NRXN1: variants seen among roughly 807,000 people sequenced by gnomAD.
NRXN1 encodes neurexin-1.
Under a neutral mutation model 150.9 loss-of-function variants are expected in NRXN1, and 39 were observed. The observed-to-expected ratio is 0.26, with a 90% CI of 0.20 to 0.34. The LOEUF (loss-of-function observed/expected upper bound fraction) is 0.34, where lower values mean the gene tolerates loss of function less well. NRXN1 is among the 10% of genes least tolerant of loss of function. NRXN1 has a pLI of 1.00. For synonymous variants in NRXN1, 924 were observed against 757.0 expected (o/e 1.22, Z -3.62); for missense variants, 1,815 against 1,949.9 (o/e 0.93, Z 1.30).
chr2:51,029,759 A>G (rs1671184595), intron 1 of NRXN1, among the ~76,000 whole-genome samples: 1 of 152,220 alleles, frequency 6.6e-6, no homozygotes, highest in Admixed American at 6.5e-5. Flanking sequence ...TCTCCTTTAT[A>G]TTAATGAATA....
At chr2:50,984,134 AT>A (rs70958636) in intron 2 of NRXN1, among the ~76,000 whole-genome samples, 2,160 of 72,692 alleles carry the variant, frequency 0.03, 39 homozygotes, top group East Asian at 0.1. Flanking sequence ...CGCCAGGCTA[AT>A]TTTTTTTTTT....
intron 17 of NRXN1, among the ~76,000 whole-genome samples, chr2:50,357,291 T>C (rs1435322518): frequency 6.7e-6 from 1 of 149,838 alleles, no homozygotes; most frequent in Non-Finnish European, 1.5e-5. Flanking sequence ...AATACATTTA[T>C]TTATTTATTT....
At chr2:50,804,249 G>A (rs1048440091) in intron 5 of NRXN1, among the ~76,000 whole-genome samples, 1 of 152,030 alleles carries the variant, frequency 6.6e-6, no homozygotes, top group Non-Finnish European at 1.5e-5. Context: ...TTTACATTAG[G>A]TGAAGTTATG....
chr2:50,011,500 A>G (rs1178477164), intron 21 of NRXN1, among the ~76,000 whole-genome samples: 2 of 152,168 alleles, frequency 1.3e-5, no homozygotes, highest in Admixed American at 6.5e-5. Context: ...CAGTGGAATT[A>G]TAACCTTACT....
At chr2:50,195,448 T>A (rs556994351) in intron 18 of NRXN1, among the ~76,000 whole-genome samples, 4 of 152,322 alleles carry the variant, frequency 2.6e-5, no homozygotes, top group Middle Eastern at 6.8e-3. Flanking sequence ...TGCCATTTTA[T>A]AGGCTAATAG....
chr2:50,316,667 C>T (rs914656442), intron 17 of NRXN1, among the ~76,000 whole-genome samples: 1 of 151,984 alleles, frequency 6.6e-6, no homozygotes, highest in African/African-American at 2.4e-5. Context: ...TATAAATCTG[C>T]TGGAGATAGT....
chr2:50,924,007 CA>C (rs1398129525), intron 3 of NRXN1, among the ~76,000 whole-genome samples: 1 of 151,800 alleles, frequency 6.6e-6, no homozygotes, highest in Non-Finnish European at 1.5e-5. Context: ...GCAGATTCAA[CA>C]GCTTATGATC....
intron 17 of NRXN1, among the ~76,000 whole-genome samples, chr2:50,455,931 T>C (rs1210280504): frequency 6.6e-6 from 1 of 152,154 alleles, no homozygotes; most frequent in African/African-American, 2.4e-5. Context: ...AGCATTGCCC[T>C]GAACTGCTGG....
chr2:49,949,309 A>G (rs1673509591), intron 21 of NRXN1, among the ~76,000 whole-genome samples: 2 of 151,906 alleles, frequency 1.3e-5, no homozygotes, highest in African/African-American at 4.8e-5. Flanking sequence ...ATTTTTCAAC[A>G]TCATTAATGG....
intron 5 of NRXN1, among the ~76,000 whole-genome samples, chr2:50,902,146 T>A (rs1015081625): frequency 6.6e-6 from 1 of 152,170 alleles, no homozygotes; most frequent in Non-Finnish European, 1.5e-5. Context: ...TATTAGATGA[T>A]GAGGAGTCTG....
chr2:50,902,054 A>T (rs944759350), intron 5 of NRXN1, among the ~76,000 whole-genome samples: 8 of 152,164 alleles, frequency 5.3e-5, no homozygotes, highest in African/African-American at 1.9e-4. Flanking sequence ...GAGCCATTAG[A>T]TTAAGAAAGT....
chr2:50,247,162 G>A (rs1171808034), intron 17 of NRXN1, among the ~76,000 whole-genome samples: 1 of 152,006 alleles, frequency 6.6e-6, no homozygotes, highest in South Asian at 2.1e-4. Context: ...CTCAGATAAG[G>A]ACACAGATTG....
chr2:49,955,498 C>T (rs1044036611), intron 21 of NRXN1, among the ~76,000 whole-genome samples: 1 of 151,954 alleles, frequency 6.6e-6, no homozygotes, highest in Non-Finnish European at 1.5e-5. Context: ...AAATGTCTTG[C>T]AATAAGTTGG....
intron 5 of NRXN1, among the ~76,000 whole-genome samples, chr2:50,802,602 AAGGAAAGAAAG>A (rs942433358): frequency 3.3e-5 from 5 of 151,518 alleles, no homozygotes; most frequent in African/African-American, 4.8e-5. Context: ...GAGAGAAAAG[AAGGAAAGAAAG>A]AGGAAAGAAA....
chr2:50,474,839 C>CAAA (rs35572466), intron 15 of NRXN1, among the ~76,000 whole-genome samples: 3 of 108,848 alleles, frequency 2.8e-5, no homozygotes, highest in African/African-American at 1.1e-4. Context: ...GCCCCCCTAC[C>CAAA]AAAAAAAAAA....
At chr2:50,407,591 T>C (rs1343686456) in intron 17 of NRXN1, among the ~76,000 whole-genome samples, 1 of 152,108 alleles carries the variant, frequency 6.6e-6, no homozygotes, top group Admixed American at 6.5e-5. Flanking sequence ...TGTCCCCTCA[T>C]GGATGTGTTA....
At chr2:50,037,609 C>A (rs1379757838) in intron 21 of NRXN1, among the ~76,000 whole-genome samples, 1 of 152,170 alleles carries the variant, frequency 6.6e-6, no homozygotes, top group Non-Finnish European at 1.5e-5. Flanking sequence ...TGCTGGCTTA[C>A]CACATCATAT....
rs371950866 is a variant in NRXN1, at chr2:50,682,465, T to C, written c.833-58850A>G. On this transcript the variant is annotated intron_variant, in intron 5 of 22. Coordinates refer to ENST00000401669, the MANE Select transcript of NRXN1 (RefSeq NM_001330078.2). Reference sequence around the variant, plus strand: ...ATTATGGTGCTAAATTTCCTTGGCTTATCAACATTAAATAAGGGAAAGGAA... The same window carrying C: ...ATTATGGTGCTAAATTTCCTTGGCTCATCAACATTAAATAAGGGAAAGGAA... Among the ~76,000 whole-genome samples the C allele has an allele frequency of 2.4e-4, 36 of 152,278 alleles. No homozygotes were observed. In the South Asian group the frequency reaches 7.5e-3, roughly 32 times the overall value.
intron 21 of NRXN1, among the ~76,000 whole-genome samples, chr2:49,984,770 C>A (rs187115490): frequency 2.1e-4 from 31 of 150,800 alleles, no homozygotes; most frequent in African/African-American, 7.1e-4. Flanking sequence ...ATAAATGCCA[C>A]AGAAGTTATA....
Sources: allele counts gnomAD v4.1 joint callset (sites outside exome capture counted in the v4.1 genomes callset), GRCh38; gene constraint gnomAD v4.1.1; transcripts MANE v1.5; gene names NCBI Gene and HGNC (gene_info 2026-07-23, HGNC 2026-07-21).